The following AREL1 variants were observed in gnomAD, a reference collection of about 807,000 sequenced individuals.
AREL1 encodes the protein apoptosis-resistant E3 ubiquitin protein ligase 1.
A neutral mutation model predicts 99.0 loss-of-function variants in AREL1; 62 were observed. The ratio of observed to expected loss-of-function variants is 0.63; its 90% CI spans 0.51 to 0.77. AREL1 has a LOEUF of 0.77. AREL1 is among the 30% of genes least tolerant of loss of function. The probability of loss-of-function intolerance (pLI) is 0.00; values close to 1 mark genes in which losing one functional copy is unlikely to be tolerated. For synonymous variants in AREL1, 380 were observed against 376.5 expected (o/e 1.01, Z -0.11); for missense variants, 879 against 1,027.6 (o/e 0.86, Z 1.98).
chr14:74,684,374 A>T, intron 4 of AREL1, 80 bp downstream of exon 4: 1 of 1,272,842 alleles, frequency 7.9e-7, no homozygotes, highest in Non-Finnish European at 1.1e-6. Context: ...AAATGTTAAC[A>T]TTCCAGGCCA....
At chr14:74,685,735 G>C (rs2089734313) in intron 2 of AREL1, 75 bp from the exon 3 acceptor site, 17 of 1,332,438 alleles carry the variant, frequency 1.3e-5, no homozygotes, top group Non-Finnish European at 1.7e-5. Context: ...ACAAAGAAGA[G>C]TGTATGGCGT....
At chr14:74,680,466 A>G (rs2089604978) in intron 5 of AREL1, among the ~76,000 whole-genome samples, 1 of 152,238 alleles carries the variant, frequency 6.6e-6, no homozygotes, top group African/African-American at 2.4e-5. Context: ...GGGAATGTAA[A>G]ATGCTACAGC....
At chr14:74,667,435 C>T in intron 16 of AREL1, 30 bp downstream of exon 16, 2 of 1,614,098 alleles carry the variant, frequency 1.2e-6, no homozygotes, top group Non-Finnish European at 1.7e-6. Context: ...GGTATTTTAA[C>T]TTCAAGGCCA....
rs770691364 is a variant in AREL1 at position 74,669,693 on chromosome 14, C to T, written c.1870G>A (p.Val624Ile). The change falls in exon 15 of 20, where the codon GTC becomes ATC. Residue 624 changes from valine (V) to isoleucine (I), a missense_variant. Val to Ile is a conservative substitution (Grantham distance 29). Transcript: ENST00000356357. ...LNNDMSEMEL[V>I]FAEEKYNKSG... Reference sequence around the variant, plus strand: ...TTATTATATTTCTCTTCTGCAAAGACCAGCTCCATCTCACTCATGTCATTG... The same window carrying T: ...TTATTATATTTCTCTTCTGCAAAGATCAGCTCCATCTCACTCATGTCATTG... 6.2e-7 allele frequency: 1 copy of T among 1,614,144 alleles called. No individual in the cohort carries two copies.
chr14:74,664,036 G>A lies in AREL1; in HGVS notation c.2232C>T (p.Thr744=). 1 of 1,614,030 alleles carries A rather than the reference G, an allele frequency of 6.2e-7. No individual in the cohort carries two copies. Among genetic ancestry groups the A allele is most frequent in the South Asian group, 1.1e-5 (1 of 91,070 alleles). ...GAAGTAGCCGAGCCAACTCCTCCTG[G>A]GTCAGACTGGAAACCACAGTCCAAA... is the stretch of plus-strand genomic sequence containing the variant. ...RWFWTVVSSL[T]QEELARLLQF... Residue 744 remains threonine (T), a synonymous_variant, in exon 19 of 20, where the codon ACC becomes ACT. Transcript: ENST00000356357.
intron 1 of AREL1, among the ~76,000 whole-genome samples, chr14:74,706,039 C>A (rs187260197): frequency 6.6e-6 from 1 of 152,160 alleles, no homozygotes; most frequent in Admixed American, 6.6e-5. Flanking sequence ...CCATTCTTAA[C>A]CCTAAATCTA....
At chr14:74,707,500 A>C (rs1424114916) in intron 1 of AREL1, among the ~76,000 whole-genome samples, 1 of 150,568 alleles carries the variant, frequency 6.6e-6, no homozygotes, top group Non-Finnish European at 1.5e-5. Context: ...ATCTCTACTA[A>C]AAATACAAAA....
chr14:74,706,281 T>TA (rs1397443784), intron 1 of AREL1, among the ~76,000 whole-genome samples: 1 of 152,220 alleles, frequency 6.6e-6, no homozygotes, highest in East Asian at 1.9e-4. Flanking sequence ...AGGAAGCTAT[T>TA]ATTCCATTAA....
chr14:74,689,587 CTTTTCTTTTTTT>C (rs1381191219), intron 2 of AREL1, among the ~76,000 whole-genome samples: 2 of 113,714 alleles, frequency 1.8e-5, no homozygotes, highest in Admixed American at 2.1e-4. Flanking sequence ...TCTTATAGCA[CTTTTCTTTTTTT>C]TTTTTTTTTT....
intron 1 of AREL1, among the ~76,000 whole-genome samples, chr14:74,710,712 G>C (rs2140002102): frequency 6.6e-6 from 1 of 152,284 alleles, no homozygotes; most frequent in South Asian, 2.1e-4. Context: ...GGCACATACA[G>C]TATCTGTAGC....
At chr14:74,670,350 G>C (rs2089306672) in intron 13 of AREL1, among the ~76,000 whole-genome samples, 1 of 152,154 alleles carries the variant, frequency 6.6e-6, no homozygotes, top group Non-Finnish European at 1.5e-5. Context: ...TTAAGTTTGT[G>C]GTTAATCAGC....
In AREL1 at chr14:74,692,211, T is replaced by A; in HGVS notation, c.-216A>T. On this transcript the variant is annotated 5_prime_UTR_variant, in exon 2 of 20. Coordinates refer to ENST00000356357, the MANE Select transcript of AREL1 (RefSeq NM_001039479.2). ...GACTTTGTCACAGTAATCAGGTCAGTGTTTCTGGGATGAACTGGATGAACT... is the reference window on the plus strand; with the variant it reads ...GACTTTGTCACAGTAATCAGGTCAGAGTTTCTGGGATGAACTGGATGAACT... 1 of 456,224 alleles carries A rather than the reference T, an allele frequency of 2.2e-6. No individual in the cohort carries two copies. The highest frequency in any genetic ancestry group is 1.6e-5 in the South Asian group (1 of 64,462). The allele number at this position is 456,224 out of a possible 1,614,324, so 28.3% of individuals were successfully genotyped here.
intron 2 of AREL1, among the ~76,000 whole-genome samples, chr14:74,689,927 C>T (rs1456040899): frequency 1.3e-5 from 2 of 150,706 alleles, no homozygotes; most frequent in African/African-American, 2.4e-5. Flanking sequence ...CTCGTTTTTT[C>T]ATTTTAGAGT....
chr14:74,693,742 C>T (rs1266430883), intron 1 of AREL1, among the ~76,000 whole-genome samples: 2 of 152,194 alleles, frequency 1.3e-5, no homozygotes, highest in African/African-American at 4.8e-5. Flanking sequence ...TTAATGACTA[C>T]TCTACTGCCT....
At chr14:74,668,374 C>T (rs1032554899) in intron 15 of AREL1, among the ~76,000 whole-genome samples, 9 of 152,096 alleles carry the variant, frequency 5.9e-5, no homozygotes, top group Admixed American at 1.3e-4. Context: ...TTTAAGACAA[C>T]AGCATGGTAG....
chr14:74,703,521 G>A lies in AREL1; in HGVS notation c.-334+9412C>T, dbSNP rs1405522541. ...GAGAATTAAACATGTTAAGTTTGGA[G>A]TGTCTACAGGATATCCAGGTGAATA... On this transcript the variant is annotated intron_variant, in intron 1 of 19. Coordinates refer to ENST00000356357, the MANE Select transcript of AREL1 (RefSeq NM_001039479.2). Among the ~76,000 whole-genome samples the A allele has an allele frequency of 2.6e-5, 4 of 152,296 alleles. No individual in the cohort carries two copies. The East Asian group carries it at 5.8e-4, about 22-fold the overall frequency.
rs1466766172 is a variant in AREL1, at chr14:74,702,582, T to C, written c.-333-10254A>G. On this transcript the variant is annotated intron_variant, in intron 1 of 19. Coordinates refer to ENST00000356357, the MANE Select transcript of AREL1 (RefSeq NM_001039479.2). ...AGGTCTGTGATGGGAGTGGCTGCTA[T>C]GAAAACCTCTGACATGCCCTGGAGA... is the stretch of plus-strand genomic sequence containing the variant. 3.3e-5 allele frequency among the ~76,000 whole-genome samples: 5 copies of C among 152,306 alleles called. No homozygotes were observed. The East Asian group carries it at 9.7e-4, about 29-fold the overall frequency.
chr14:74,683,601 G>A, intron 4 of AREL1, 68 bp from the exon 5 acceptor site: 3 of 1,450,550 alleles, frequency 2.1e-6, no homozygotes, highest in Non-Finnish European at 2.9e-6. Context: ...TGTAGAGTGA[G>A]TGGGGAGAGA....
intron 13 of AREL1, 159 bp downstream of exon 13, chr14:74,670,603 G>GA: frequency 1.7e-6 from 1 of 600,300 alleles, no homozygotes; most frequent in Admixed American, 3.3e-5. Context: ...TAAAGGCAAA[G>GA]AGGAGAAAGA....
Sources: allele counts gnomAD v4.1 joint callset (sites outside exome capture counted in the v4.1 genomes callset), GRCh38; gene constraint gnomAD v4.1.1; transcripts MANE v1.5; gene names NCBI Gene and HGNC (gene_info 2026-07-23, HGNC 2026-07-21).